The following RBM18 variants were observed in gnomAD, a reference collection of about 807,000 sequenced individuals.
The protein encoded by RBM18 is probable RNA-binding protein 18.
A neutral mutation model predicts 26.4 loss-of-function variants in RBM18; 18 were observed. The observed-to-expected ratio is 0.68, with a 90% CI of 0.47 to 1.01. The LOEUF (loss-of-function observed/expected upper bound fraction) is 1.01, where lower values mean the gene tolerates loss of function less well. Ranked by LOEUF, RBM18 falls within the 50% of genes least tolerant of loss-of-function variation. The pLI is 0.00. For missense variants in RBM18, 180 were observed against 219.2 expected, an observed-to-expected ratio of 0.82 and a Z score of 1.13; for synonymous variants, 74 against 81.1, an observed-to-expected ratio of 0.91 and a Z score of 0.47.
Position 122,237,712 on chromosome 9 carries a change from T to C in RBM18, c.*4172A>G, listed in dbSNP as rs1831351003. On this transcript the variant is annotated 3_prime_UTR_variant, in exon 6 of 6. Coordinates refer to ENST00000417201, the MANE Select transcript of RBM18 (RefSeq NM_033117.4). ...ACACATTTCCAGTCATGGAATATTG[T>C]TTAGAGTAGGGTTTGGCAAATTTTT... 6.6e-6 allele frequency: 1 copy of C among 152,254 alleles called. No individual in the cohort carries two copies. The highest frequency in any genetic ancestry group is 2.4e-5 in the African/African-American group (1 of 41,474). The allele number at this position is 152,254 out of a possible 1,614,324, so 9.4% of individuals were successfully genotyped here.
rs1831379574 is a variant in RBM18, at chr9:122,239,665, T to C, written c.*2219A>G. 1 of 151,974 alleles carries C rather than the reference T, an allele frequency of 6.6e-6. No homozygotes were observed. Among genetic ancestry groups the C allele is most frequent in the African/African-American group, 2.4e-5 (1 of 41,188 alleles). The allele number at this position is 151,974 out of a possible 1,614,324, so 9.4% of individuals were successfully genotyped here. A position where few individuals can be genotyped will look rare whatever the true frequency, so the allele number is the denominator to read the frequency against. ...ACCTTTCATCAGACTGCTTTCAGCATATTTAGGATACATACATTTCTTCTT... is the reference window on the plus strand; with the variant it reads ...ACCTTTCATCAGACTGCTTTCAGCACATTTAGGATACATACATTTCTTCTT... On this transcript the variant is annotated 3_prime_UTR_variant, in exon 6 of 6. Transcript: ENST00000417201.
intron 2 of RBM18, among the ~76,000 whole-genome samples, chr9:122,255,815 G>C (rs1831685369): frequency 6.6e-6 from 1 of 152,108 alleles, no homozygotes; most frequent in African/African-American, 2.4e-5. Context: ...TGTCTAGCCT[G>C]GGCAATATAG....
At chr9:122,250,582 C>T (rs571259487) in intron 3 of RBM18, among the ~76,000 whole-genome samples, 2 of 152,318 alleles carry the variant, frequency 1.3e-5, no homozygotes, top group East Asian at 1.9e-4. Context: ...CCTCCACACA[C>T]GTACATACAA....
At chr9:122,263,996 A>G (rs540211412) in intron 1 of RBM18, among the ~76,000 whole-genome samples, 2 of 152,252 alleles carry the variant, frequency 1.3e-5, no homozygotes, top group East Asian at 3.9e-4. Flanking sequence ...TTTTCCTCCT[A>G]CTAAATGCTA....
intron 2 of RBM18, among the ~76,000 whole-genome samples, chr9:122,254,854 C>T (rs1006964401): frequency 6.6e-6 from 1 of 152,078 alleles, no homozygotes; most frequent in Non-Finnish European, 1.5e-5. Flanking sequence ...GGGATGAATA[C>T]GAGCACACAG....
At chr9:122,263,554 G>A (rs555094462) in intron 1 of RBM18, among the ~76,000 whole-genome samples, 11 of 152,268 alleles carry the variant, frequency 7.2e-5, no homozygotes, top group Non-Finnish European at 1.5e-4. Context: ...CTATCCTCTG[G>A]ATGCTTGTAT....
chr9:122,244,507 T>A (rs1831473222), intron 5 of RBM18, among the ~76,000 whole-genome samples: 1 of 152,218 alleles, frequency 6.6e-6, no homozygotes, highest in South Asian at 2.1e-4. Flanking sequence ...CTAATAGACC[T>A]GGCTTTAAAT....
chr9:122,246,663 C>CTTAA (rs1831510828), intron 4 of RBM18, among the ~76,000 whole-genome samples: 1 of 152,172 alleles, frequency 6.6e-6, no homozygotes. Flanking sequence ...GGACATTGAG[C>CTTAA]TTAAATGTCT....
At chr9:122,259,733 G>A (rs952815742) in intron 2 of RBM18, among the ~76,000 whole-genome samples, 12 of 151,780 alleles carry the variant, frequency 7.9e-5, no homozygotes, top group Non-Finnish European at 1.3e-4. Flanking sequence ...TTCACCTTTC[G>A]CCCAGGCTGG....
chr9:122,255,724 A>G (rs1156328194), intron 2 of RBM18, among the ~76,000 whole-genome samples: 1 of 152,204 alleles, frequency 6.6e-6, no homozygotes, highest in East Asian at 1.9e-4. Flanking sequence ...GTTCATGGCG[A>G]TCTCTCTTAG....
chr9:122,252,012 T>C, intron 2 of RBM18, 39 bp from the exon 3 acceptor site: 2 of 1,608,322 alleles, frequency 1.2e-6, no homozygotes, highest in Middle Eastern at 3.3e-4. Flanking sequence ...GCTCTGGGAA[T>C]TCTGTTGGCC....
chr9:122,247,785 G>T (rs377436548), intron 3 of RBM18, among the ~76,000 whole-genome samples, 181 bp from the exon 4 acceptor site: 105 of 132,728 alleles, frequency 7.9e-4, no homozygotes, highest in Middle Eastern at 4.2e-3. Context: ...TTTTTTTGTT[G>T]TTTTTTTTTT....
chr9:122,257,702 C>T (rs1232285248), intron 2 of RBM18, among the ~76,000 whole-genome samples: 1 of 152,138 alleles, frequency 6.6e-6, no homozygotes. Flanking sequence ...CATATTCATT[C>T]ATAACAGTAA....
At position 122,240,962 on chromosome 9, in the gene RBM18, T is replaced by C. The variant is rs1831406970; in HGVS notation, c.*922A>G. 6.6e-6 allele frequency: 1 copy of C among 152,260 alleles called. No individual in the cohort carries two copies. The highest frequency in any genetic ancestry group is 2.4e-5 in the African/African-American group (1 of 41,474). The allele number at this position is 152,260 out of a possible 1,614,324, so 9.4% of individuals were successfully genotyped here. ...ACACAATTATTAGAAAATTGTATGTTTGATAGTGACCAATATAGCAATGTT... is the reference window on the plus strand; with the variant it reads ...ACACAATTATTAGAAAATTGTATGTCTGATAGTGACCAATATAGCAATGTT... On this transcript the variant is annotated 3_prime_UTR_variant, in exon 6 of 6. Transcript: ENST00000417201.
In RBM18 at chr9:122,251,969, G is replaced by C; in HGVS notation, c.118C>G (p.His40Asp). The C allele has an allele frequency of 6.2e-7, 1 of 1,614,048 alleles. No homozygotes were observed. The highest frequency in any genetic ancestry group is 8.5e-7 in the Non-Finnish European group (1 of 1,179,944). ...GNLDPKITEY[H>D]LLKLLQKFGK... ...AACTTCTGGAGGAGCTTGAGGAGGT[G>C]GTATCTGTGGAGAAAGAAGAGTCCA... The change falls in exon 3 of 6, where the codon CAC (histidine) becomes GAC (aspartate). Residue 40 changes from histidine to aspartate, a missense_variant. His to Asp is a moderately conservative substitution (Grantham distance 81, BLOSUM62 -1). Around this residue, in one of 3 missense-constraint regions of RBM18, gnomAD observed 49 missense variants for 56.6 expected, o/e 0.87. Transcript: ENST00000417201.
intron 1 of RBM18, among the ~76,000 whole-genome samples, chr9:122,263,467 C>CA (rs1422778598): frequency 1.3e-5 from 2 of 152,178 alleles, no homozygotes; most frequent in African/African-American, 4.8e-5. Flanking sequence ...ATCATTCATT[C>CA]AAAAAATAAA....
chr9:122,244,311 C>T (rs1831470477), intron 5 of RBM18, among the ~76,000 whole-genome samples: 1 of 152,094 alleles, frequency 6.6e-6, no homozygotes, highest in Non-Finnish European at 1.5e-5. Flanking sequence ...GCATTTATTT[C>T]CCCTGCTTGG....
intron 2 of RBM18, among the ~76,000 whole-genome samples, chr9:122,259,699 A>C (rs1831754801): frequency 6.6e-6 from 1 of 152,096 alleles, no homozygotes; most frequent in Admixed American, 6.5e-5. Context: ...ATACTCAAAG[A>C]AGCAGGTTTC....
At position 122,243,917 on chromosome 9, in the gene RBM18, G is replaced by A. The variant is rs981430950; in HGVS notation, c.413+1339C>T. ...ACCCTAGGCTATCTTGTAAACAAGT[G>A]GCATATACAAATCATAAGAAACTAA... On this transcript the variant is annotated intron_variant, in intron 5 of 5. Transcript: ENST00000417201. The A allele has an allele frequency of 5.2e-6, 5 of 969,636 alleles. No homozygotes were observed. In the East Asian group the frequency reaches 4.6e-4, roughly 89 times the overall value. 60.1% of individuals were successfully genotyped at this position (969,636 alleles called of 1,614,324 possible). A position where few individuals can be genotyped will look rare whatever the true frequency, so the allele number is the denominator to read the frequency against.
Sources: gnomAD v4.1 joint callset for allele counts (sites outside exome capture counted in the v4.1 genomes callset) on GRCh38, gnomAD v4.1.1 for gene constraint, gnomAD v4.1.1 regional missense constraint, MANE v1.5 for transcripts, NCBI Gene and HGNC (gene_info 2026-07-23, HGNC 2026-07-21) for gene names.